Variants in BMPR2 observed in about 807,000 individuals in gnomAD.
The protein encoded by BMPR2 is bone morphogenetic protein receptor type 2, also known as bone morphogenetic protein receptor type-2.
A neutral mutation model predicts 100.8 loss-of-function variants in BMPR2; 29 were observed. The observed-to-expected ratio is 0.29, with a 90% CI of 0.21 to 0.39. The LOEUF is 0.39. Among genes scored for constraint, BMPR2 ranks in the 10% least tolerant of loss-of-function variants. The pLI is 1.00. For missense variants in BMPR2, 1,011 were observed against 1,274.5 expected (o/e 0.79, Z 3.15); for synonymous variants, 382 against 442.3 (o/e 0.86, Z 1.71).
At chr2:202,484,356 C>CTCCCTTCCTTCT (rs1692726053) in intron 3 of BMPR2, among the ~76,000 whole-genome samples, 1 of 145,748 alleles carries the variant, frequency 6.9e-6, no homozygotes, top group Non-Finnish European at 1.5e-5. Flanking sequence ...CCCTCCCTCC[C>CTCCCTTCCTTCT]TCCCTTCCTT....
At chr2:202,398,722 G>C (rs1256181317) in intron 1 of BMPR2, among the ~76,000 whole-genome samples, 1 of 152,154 alleles carries the variant, frequency 6.6e-6, no homozygotes, top group African/African-American at 2.4e-5. Context: ...CTGTAATCTA[G>C]CTTTTACATG....
chr2:202,464,752 A>G, intron 1 of BMPR2, 57 bp from the exon 2 acceptor site: 3 of 1,484,466 alleles, frequency 2.0e-6, no homozygotes, highest in South Asian at 2.5e-5. Flanking sequence ...CAAAGATTTT[A>G]TATAATATTT....
chr2:202,382,180 C>G (rs1024582477), intron 1 of BMPR2, among the ~76,000 whole-genome samples: 3 of 151,906 alleles, frequency 2.0e-5, no homozygotes, highest in African/African-American at 7.2e-5. Flanking sequence ...CTGCCTCAGC[C>G]TCCCGAGTAG....
At chr2:202,404,509 T>C (rs1049510218) in intron 1 of BMPR2, among the ~76,000 whole-genome samples, 3 of 152,132 alleles carry the variant, frequency 2.0e-5, no homozygotes, top group African/African-American at 7.2e-5. Context: ...AATTTGTCTT[T>C]TGCTAGGTAT....
At chr2:202,423,687 G>A (rs1350757286) in intron 1 of BMPR2, among the ~76,000 whole-genome samples, 2 of 152,122 alleles carry the variant, frequency 1.3e-5, no homozygotes, top group Non-Finnish European at 2.9e-5. Flanking sequence ...CCAGGAATTC[G>A]AGTCTGCAGT....
intron 1 of BMPR2, among the ~76,000 whole-genome samples, chr2:202,408,050 G>T (rs1315993883): frequency 6.6e-6 from 1 of 151,880 alleles, no homozygotes; most frequent in Non-Finnish European, 1.5e-5. Flanking sequence ...AGCCAGGATG[G>T]TCTCGATCTC....
chr2:202,389,297 G>A (rs1169907700), intron 1 of BMPR2, among the ~76,000 whole-genome samples: 1 of 151,844 alleles, frequency 6.6e-6, no homozygotes, highest in Non-Finnish European at 1.5e-5. Flanking sequence ...GGAGGCCAGG[G>A]CGGGCAGATC....
intron 1 of BMPR2, among the ~76,000 whole-genome samples, chr2:202,409,805 GTTTC>G (rs1409103006): frequency 6.6e-6 from 1 of 152,100 alleles, no homozygotes; most frequent in Non-Finnish European, 1.5e-5. Context: ...TCATTAGTAA[GTTTC>G]TTTCTCATAG....
chr2:202,541,809 A>G (rs1688280760), intron 9 of BMPR2, among the ~76,000 whole-genome samples: 1 of 152,184 alleles, frequency 6.6e-6, no homozygotes, highest in African/African-American at 2.4e-5. Context: ...TCTAAGCAAA[A>G]CATTCATTAA....
intron 1 of BMPR2, among the ~76,000 whole-genome samples, chr2:202,438,095 C>T (rs993530058): frequency 6.7e-6 from 1 of 150,046 alleles, no homozygotes; most frequent in Admixed American, 6.6e-5. Flanking sequence ...GGGCGGATCA[C>T]CTGAGGTTGG....
rs1687458780 is a variant in BMPR2, at chr2:202,503,782, C to A, written c.419-9937C>A. Among the ~76,000 whole-genome samples, 2 of 152,252 alleles carry A rather than the reference C, an allele frequency of 1.3e-5. No individual in the cohort carries two copies. Among genetic ancestry groups the A allele is most frequent in the Admixed American group, 1.3e-4 (2 of 15,286 alleles). On this transcript the variant is annotated intron_variant, in intron 3 of 12. Transcript: ENST00000374580. The surrounding 1 kb of genome is among the most constrained non-coding windows in gnomAD (Gnocchi z 4.0). ...CGCACGGTGTGGGACTGGCAGGCAGCTCCACCTGCAGCCCAGGTGTGGGAT... is the reference window on the plus strand; with the variant it reads ...CGCACGGTGTGGGACTGGCAGGCAGATCCACCTGCAGCCCAGGTGTGGGAT...
chr2:202,393,882 C>CGAGAGAGAGA (rs56708616), intron 1 of BMPR2, among the ~76,000 whole-genome samples: 1,755 of 97,826 alleles, frequency 0.018, 198 homozygotes, highest in East Asian at 0.032. Flanking sequence ...AATGAGAGAG[C>CGAGAGAGAGA]GAGAGAGAGA....
intron 7 of BMPR2, among the ~76,000 whole-genome samples, chr2:202,528,434 G>A (rs1298344753): frequency 6.6e-6 from 1 of 152,120 alleles, no homozygotes; most frequent in Non-Finnish European, 1.5e-5. Flanking sequence ...TGATCCACCC[G>A]CCTCAGCCTC....
chr2:202,545,154 A>C (rs1355783397), intron 10 of BMPR2, among the ~76,000 whole-genome samples: 1 of 33,834 alleles, frequency 3.0e-5, no homozygotes, highest in Non-Finnish European at 6.8e-5. Flanking sequence ...TCTAAGAATC[A>C]TTTTTTTCTT....
At chr2:202,435,402 T>G (rs1489697987) in intron 1 of BMPR2, among the ~76,000 whole-genome samples, 2 of 141,530 alleles carry the variant, frequency 1.4e-5, no homozygotes, top group African/African-American at 2.7e-5. Flanking sequence ...TATATATATA[T>G]ATATATGTTT....
intron 3 of BMPR2, among the ~76,000 whole-genome samples, chr2:202,497,568 G>A (rs1003565359): frequency 4.6e-5 from 7 of 152,240 alleles, no homozygotes; most frequent in East Asian, 1.9e-4. Context: ...GTCAAGGGTC[G>A]ACAAAGAGGA....
At chr2:202,552,688 A>G (rs370180049) in intron 10 of BMPR2, 28 bp from the exon 11 acceptor site, 65 of 1,613,396 alleles carry the variant, frequency 4.0e-5, no homozygotes, top group Non-Finnish European at 5.5e-5. Flanking sequence ...TTAAAGACAC[A>G]TGGTTTGACA....
At chr2:202,453,422 A>G (rs1277877602) in intron 1 of BMPR2, among the ~76,000 whole-genome samples, 1 of 152,210 alleles carries the variant, frequency 6.6e-6, no homozygotes. Flanking sequence ...GTGGCCATCA[A>G]CAGGTGAATG....
chr2:202,513,871 C>G (rs889599516), intron 4 of BMPR2, 42 bp downstream of exon 4: 2 of 1,391,436 alleles, frequency 1.4e-6, no homozygotes, highest in Admixed American at 3.5e-5. Flanking sequence ...ATTAAACATG[C>G]AATTTAATCA....
Sources: gnomAD v4.1 joint callset for allele counts (sites outside exome capture counted in the v4.1 genomes callset) on GRCh38, gnomAD v4.1.1 for gene constraint, Gnocchi (gnomAD v3.1) non-coding constraint, MANE v1.5 for transcripts, NCBI Gene and HGNC (gene_info 2026-07-23, HGNC 2026-07-21) for gene names.